Variants in SCFD1 observed in about 807,000 individuals in gnomAD.
SCFD1 encodes sec1 family domain containing 1.
A neutral mutation model predicts 103.2 loss-of-function variants in SCFD1; 37 were observed. That is an observed-to-expected ratio of 0.36 (90% CI 0.28 to 0.47). The LOEUF (loss-of-function observed/expected upper bound fraction) is 0.47, where lower values mean the gene tolerates loss of function less well. SCFD1 is among the 20% of genes least tolerant of loss of function. The pLI is 1.00. For missense variants in SCFD1, 639 were observed against 761.2 expected (o/e 0.84, Z 1.89); for synonymous variants, 264 against 245.0 (o/e 1.08, Z -0.73).
At chr14:30,714,338 G>C (rs1892118974) in intron 19 of SCFD1, among the ~76,000 whole-genome samples, 1 of 150,148 alleles carries the variant, frequency 6.7e-6, no homozygotes, top group Admixed American at 6.6e-5. Context: ...TCCGGCCTGG[G>C]CGACAGAGCG....
intron 10 of SCFD1, among the ~76,000 whole-genome samples, chr14:30,668,103 C>A (rs1224060308): frequency 1.4e-4 from 21 of 152,250 alleles, no homozygotes; most frequent in African/African-American, 4.6e-4. Context: ...CAATCCTAAG[C>A]AAAAAGAACA....
At chr14:30,627,745 G>GAAAAA (rs11312585) in intron 1 of SCFD1, among the ~76,000 whole-genome samples, 58 of 79,408 alleles carry the variant, frequency 7.3e-4, no homozygotes, top group Non-Finnish European at 9.8e-4. Flanking sequence ...CTCTGTCTCA[G>GAAAAA]AAAAAAAAAA....
chr14:30,642,283 TCACCGTGTTAGCCAGGCTA>T (rs1471818848), intron 6 of SCFD1, among the ~76,000 whole-genome samples: 5 of 152,192 alleles, frequency 3.3e-5, no homozygotes. Context: ...AGACGGGGTT[TCACCGTGTTAGCCAGGCTA>T]GTAGTCTCAA....
At chr14:30,628,823 A>T (rs1453903436) in intron 2 of SCFD1, among the ~76,000 whole-genome samples, 2 of 152,222 alleles carry the variant, frequency 1.3e-5, no homozygotes, top group African/African-American at 4.8e-5. Flanking sequence ...TTCAGATGTT[A>T]TAATACAGTT....
intron 3 of SCFD1, 155 bp downstream of exon 3, chr14:30,630,720 G>C (rs1884023006): frequency 1.3e-5 from 7 of 548,514 alleles, no homozygotes; most frequent in Admixed American, 1.0e-4. Context: ...AAAATCCTCA[G>C]TCTGAGGCTT....
chr14:30,643,197 A>T, intron 6 of SCFD1, 119 bp from the exon 7 acceptor site: 1 of 772,312 alleles, frequency 1.3e-6, no homozygotes, highest in Non-Finnish European at 2.2e-6. Flanking sequence ...AAACCAAAAA[A>T]TTTCACTTGC....
chr14:30,735,173 A>AAGTT (rs1180512210), intron 24 of SCFD1: 6 of 300,662 alleles, frequency 2.0e-5, no homozygotes, highest in Non-Finnish European at 3.6e-5. Context: ...TATTGTCACA[A>AAGTT]AGTTAGCACT....
At chr14:30,627,333 C>T (rs537364747) in intron 1 of SCFD1, among the ~76,000 whole-genome samples, 2 of 152,244 alleles carry the variant, frequency 1.3e-5, no homozygotes, top group South Asian at 2.1e-4. Flanking sequence ...AGCAACTTTT[C>T]GGTGAATCTG....
intron 11 of SCFD1, 38 bp from the exon 12 acceptor site, chr14:30,673,219 A>G: frequency 2.8e-6 from 3 of 1,086,768 alleles, no homozygotes; most frequent in Non-Finnish European, 4.0e-6. Flanking sequence ...TTGGTCTTTT[A>G]ATGTCATCCT....
At chr14:30,630,045 G>A (rs1476688484) in intron 2 of SCFD1, among the ~76,000 whole-genome samples, 1 of 152,112 alleles carries the variant, frequency 6.6e-6, no homozygotes, top group Non-Finnish European at 1.5e-5. Flanking sequence ...ATAAGGGTAT[G>A]AACGTGAATT....
intron 10 of SCFD1, among the ~76,000 whole-genome samples, chr14:30,665,147 G>A (rs1887823899): frequency 6.6e-6 from 1 of 152,200 alleles, no homozygotes; most frequent in African/African-American, 2.4e-5. Flanking sequence ...AGAGAGAAAG[G>A]TTGGGTTACC....
At position 30,675,020 on chromosome 14, in the gene SCFD1, T is replaced by C; in HGVS notation, c.1197T>C (p.Ile399=). 1 of 1,591,966 alleles carries C rather than the reference T, an allele frequency of 6.3e-7. No individual in the cohort carries two copies. The highest frequency in any genetic ancestry group is 8.5e-7 in the Non-Finnish European group (1 of 1,171,284). Residue 399 remains isoleucine (I), a synonymous_variant, in exon 14 of 25, where the codon ATT becomes ATC. Coordinates refer to ENST00000458591, the MANE Select transcript of SCFD1 (RefSeq NM_016106.4). ...LPELLEKKRL[I]DLHTNVATAV... is the part of the protein sequence containing the mutation. Reference sequence around the variant, plus strand: ...AACTCCTTGAGAAAAAAAGACTTATTGATCTCCATACAAATGTTGCCACTG... The same window carrying C: ...AACTCCTTGAGAAAAAAAGACTTATCGATCTCCATACAAATGTTGCCACTG...
chr14:30,635,978 T>C (rs918392138), intron 4 of SCFD1, among the ~76,000 whole-genome samples: 2 of 152,134 alleles, frequency 1.3e-5, no homozygotes, highest in Admixed American at 6.5e-5. Context: ...CTCATTATAG[T>C]TTTGATTTGC....
intron 23 of SCFD1, among the ~76,000 whole-genome samples, chr14:30,724,810 T>C (rs1432735808): frequency 3.3e-5 from 5 of 152,206 alleles, no homozygotes; most frequent in Non-Finnish European, 5.9e-5. Flanking sequence ...AGGGTTTTTA[T>C]AGTTTTGGGT....
intron 14 of SCFD1, among the ~76,000 whole-genome samples, chr14:30,691,736 A>G (rs1445672124): frequency 1.3e-5 from 2 of 152,142 alleles, no homozygotes; most frequent in Admixed American, 6.5e-5. Flanking sequence ...GAAACCCCCT[A>G]CCTAGTACCA....
chr14:30,691,251 T>C lies in SCFD1; in HGVS notation c.1243-3522T>C, dbSNP rs75234905. Among the ~76,000 whole-genome samples the C allele has an allele frequency of 4.6e-3, 707 of 152,354 alleles. 8 individuals carry two copies. Among genetic ancestry groups the C allele is most frequent in the African/African-American group, 0.016 (657 of 41,584 alleles). On this transcript the variant is annotated intron_variant, in intron 14 of 24. Coordinates refer to ENST00000458591, the MANE Select transcript of SCFD1 (RefSeq NM_016106.4). The stretch of plus-strand genomic sequence containing the variant: ...AATGAGATTAATAATTCCTAGCTCA[T>C]AGTGTTATTTGGAGAATTAAATGAG...
Position 30,639,776 on chromosome 14 carries a change from G to T in SCFD1, c.436-1G>T. 6.4e-7 allele frequency: 1 copy of T among 1,567,142 alleles called. No individual in the cohort carries two copies. The highest frequency in any genetic ancestry group is 8.6e-7 in the Non-Finnish European group (1 of 1,158,316). On this transcript the variant is annotated splice_acceptor_variant, in intron 5 of 24. Transcript: ENST00000458591. LOFTEE classifies it high-confidence loss of function. Reference sequence around the variant, plus strand: ...TTGTAAACCTTTTCTTTTGTTTCTAGGTTTTTGACCAATATCTCAATTTTA... The same window carrying T: ...TTGTAAACCTTTTCTTTTGTTTCTATGTTTTTGACCAATATCTCAATTTTA...
At chr14:30,705,659 T>C (rs1313261002) in intron 17 of SCFD1, among the ~76,000 whole-genome samples, 164 bp from the exon 18 acceptor site, 1 of 152,132 alleles carries the variant, frequency 6.6e-6, no homozygotes, top group Non-Finnish European at 1.5e-5. Context: ...AATAATTCAG[T>C]GTTTTAGTAC....
intron 5 of SCFD1, 40 bp from the exon 6 acceptor site, chr14:30,639,737 A>G: frequency 6.6e-7 from 1 of 1,521,082 alleles, no homozygotes. Flanking sequence ...ATATGGCTAT[A>G]TTGTAAGATT....
Sources: gnomAD v4.1 joint callset for allele counts (sites outside exome capture counted in the v4.1 genomes callset) on GRCh38, gnomAD v4.1.1 for gene constraint, MANE v1.5 for transcripts, NCBI Gene and HGNC (gene_info 2026-07-23, HGNC 2026-07-21) for gene names.